PGBD2: variants seen among roughly 807,000 people sequenced by gnomAD.
The protein encoded by PGBD2 is piggyBac transposable element-derived protein 2.
A neutral mutation model predicts 8.1 loss-of-function variants in PGBD2; 6 were observed. That is an observed-to-expected ratio of 0.74 (90% confidence interval 0.40 to 1.46). The LOEUF (loss-of-function observed/expected upper bound fraction) is 1.46. Among genes scored for constraint, PGBD2 ranks in the 40% most tolerant of loss-of-function variants. The pLI, the probability that PGBD2 is intolerant of heterozygous loss-of-function variation, is 0.02. For missense variants in PGBD2, 802 were observed against 739.0 expected (o/e 1.09, Z -0.99); for synonymous variants, 318 against 272.2 (o/e 1.17, Z -1.66).
At chr1:248,885,986 C>G in the PGBD2 span, among the ~76,000 whole-genome samples, 1 of 152,206 alleles carries the variant, frequency 6.6e-6, no homozygotes, top group African/African-American at 2.4e-5. Context: ...TCAGTTTACT[C>G]CTCAGTAATT....
chr1:248,914,379 A>G, intron 2 of PGBD2: 12 of 984,508 alleles, frequency 1.2e-5, no homozygotes, highest in Non-Finnish European at 1.4e-5. Flanking sequence ...TCCAAGGTCC[A>G]TGAGAAGGGC....
the PGBD2 span, among the ~76,000 whole-genome samples, chr1:248,873,909 C>T: frequency 1.4e-4 from 21 of 152,212 alleles, no homozygotes; most frequent in African/African-American, 2.7e-4. Context: ...ACCTTGCCTG[C>T]GGGCTTTCTG....
downstream of PGBD2, among the ~76,000 whole-genome samples, chr1:248,924,778 C>A (rs1482495152): frequency 6.6e-6 from 1 of 152,224 alleles, no homozygotes; most frequent in Non-Finnish European, 1.5e-5. Flanking sequence ...GATGCAGATA[C>A]AGAAACTGAG....
rs150446152 is a variant in PGBD2, at chr1:248,917,352, C to T, written c.768C>T (p.Phe256=). ...TCATCATCCGGATGAACTGCAATTT[C>T]CAGAAGCATGCACCCTTGGAAGAGT... The part of the protein sequence containing the change: ...RPLIIRMNCN[F]QKHAPLEEFY... Residue 256 remains phenylalanine, a synonymous_variant, in exon 3 of 3, where the codon TTC becomes TTT. Transcript: ENST00000329291. 1.2e-4 allele frequency: 188 copies of T among 1,614,148 alleles called. No homozygotes were observed. In the African/African-American group the frequency reaches 2.3e-3, roughly 20 times the overall value.
the PGBD2 span, among the ~76,000 whole-genome samples, chr1:248,873,960 ACATTC>A: frequency 6.6e-6 from 1 of 152,280 alleles, no homozygotes; most frequent in Admixed American, 6.5e-5. Flanking sequence ...CACTTCTGAC[ACATTC>A]GTTTTATTAG....
the PGBD2 span, among the ~76,000 whole-genome samples, chr1:248,875,436 A>G: frequency 2.0e-5 from 3 of 152,218 alleles, no homozygotes; most frequent in East Asian, 5.8e-4. Context: ...TGACATTAAC[A>G]TGCTGTCATA....
the PGBD2 span, among the ~76,000 whole-genome samples, chr1:248,890,764 C>T: frequency 0.013 from 2,038 of 151,714 alleles, 18 homozygotes; most frequent in Middle Eastern, 0.027. Context: ...ACATTACACA[C>T]CCCGCACACC....
At chr1:248,899,585 G>A in the PGBD2 span, among the ~76,000 whole-genome samples, 3 of 152,080 alleles carry the variant, frequency 2.0e-5, no homozygotes, top group South Asian at 2.1e-4. Flanking sequence ...GGAATGCAGC[G>A]AAAGCAGTGT....
At chr1:248,915,279 CAG>C (rs1047370010) in intron 2 of PGBD2, among the ~76,000 whole-genome samples, 36 of 152,356 alleles carry the variant, frequency 2.4e-4, no homozygotes, top group African/African-American at 7.0e-4. Context: ...AATGCAAGTA[CAG>C]AGAGTCTCCC....
chr1:248,880,726 CTGTT>C, the PGBD2 span, among the ~76,000 whole-genome samples: 1 of 152,096 alleles, frequency 6.6e-6, no homozygotes, highest in Non-Finnish European at 1.5e-5. Flanking sequence ...TTTGTTCCTC[CTGTT>C]TGTTTTTGTC....
the PGBD2 span, among the ~76,000 whole-genome samples, chr1:248,873,690 G>T: frequency 4.7e-3 from 721 of 152,354 alleles, 3 homozygotes; most frequent in Non-Finnish European, 8.2e-3. Context: ...ACTCCTGGCT[G>T]CATTGCAGTC....
chr1:248,912,549 T>C (rs951663385), intron 1 of PGBD2: 1 of 152,190 alleles, frequency 6.6e-6, no homozygotes, highest in Non-Finnish European at 1.5e-5. Flanking sequence ...GCTCACTTGC[T>C]AAAAGGGTTT....
At chr1:248,904,764 A>G (rs1661590965), upstream of PGBD2, among the ~76,000 whole-genome samples, 1 of 152,148 alleles carries the variant, frequency 6.6e-6, no homozygotes, top group African/African-American at 2.4e-5. Flanking sequence ...CTTCTCACTT[A>G]CCAACCTTCC....
intron 1 of PGBD2, 103 bp from the exon 2 acceptor site, chr1:248,913,713 A>G: frequency 1.4e-6 from 1 of 714,272 alleles, no homozygotes; most frequent in Non-Finnish European, 2.5e-6. Context: ...AAGGTGGTGA[A>G]TCTTAAGTCA....
At chr1:248,914,197 A>T (rs552967029) in intron 2 of PGBD2, among the ~76,000 whole-genome samples, 1 of 152,162 alleles carries the variant, frequency 6.6e-6, no homozygotes, top group East Asian at 1.9e-4. Context: ...AGGGTTTCTC[A>T]TGCCTGGGGT....
At chr1:248,893,292 C>T in the PGBD2 span, among the ~76,000 whole-genome samples, 3 of 152,344 alleles carry the variant, frequency 2.0e-5, no homozygotes, top group East Asian at 1.9e-4. Context: ...TTATTGTTAA[C>T]TTACGCACTA....
At chr1:248,922,200 C>T (rs1172799515), downstream of PGBD2, among the ~76,000 whole-genome samples, 1 of 151,968 alleles carries the variant, frequency 6.6e-6, no homozygotes, top group Admixed American at 6.6e-5. Flanking sequence ...GCTGGGACCA[C>T]AGGCGCCCGC....
chr1:248,884,416 T>C, the PGBD2 span, among the ~76,000 whole-genome samples: 1 of 151,860 alleles, frequency 6.6e-6, no homozygotes, highest in African/African-American at 2.4e-5. Context: ...TCTCGGCTCA[T>C]TGCAACCTTC....
chr1:248,897,286 G>A, the PGBD2 span, among the ~76,000 whole-genome samples: 180 of 130,342 alleles, frequency 1.4e-3, 2 homozygotes, highest in Non-Finnish European at 2.2e-3. Context: ...GTTGCTAGCC[G>A]ATCGGAACAA....
Sources: allele counts gnomAD v4.1 joint callset (sites outside exome capture counted in the v4.1 genomes callset), GRCh38; gene constraint gnomAD v4.1.1; transcripts MANE v1.5; gene names NCBI Gene and HGNC (gene_info 2026-07-23, HGNC 2026-07-21).